Variants in BCAS3 observed in about 807,000 individuals in gnomAD.
BCAS3 encodes the protein BCAS3 microtubule associated cell migration factor.
Under a neutral mutation model 116.1 loss-of-function variants are expected in BCAS3, and 53 were observed. That is an observed-to-expected ratio of 0.46 (90% CI 0.37 to 0.57). The LOEUF is 0.57. BCAS3 is among the 20% of genes least tolerant of loss of function. BCAS3 has a pLI of 0.00. For missense variants in BCAS3, 917 were observed against 1,165.4 expected (o/e 0.79, Z 3.10); for synonymous variants, 391 against 408.2 (o/e 0.96, Z 0.51).
intron 12 of BCAS3, among the ~76,000 whole-genome samples, chr17:60,913,254 G>T (rs1567854139): frequency 6.6e-6 from 1 of 151,938 alleles, no homozygotes. Flanking sequence ...GTTCAACATG[G>T]AACATTCTAC....
intron 5 of BCAS3, among the ~76,000 whole-genome samples, chr17:60,710,460 T>C (rs374634469): frequency 8.6e-5 from 13 of 151,084 alleles, no homozygotes; most frequent in East Asian, 7.8e-4. Flanking sequence ...GAGACAGAGT[T>C]TCACTCTGTT....
intron 7 of BCAS3, 26 bp from the exon 8 acceptor site, chr17:60,868,550 A>G (rs1216341527): frequency 1.4e-6 from 2 of 1,444,966 alleles, no homozygotes; most frequent in East Asian, 2.5e-5. Context: ...AAAAAATGAC[A>G]TTTTTCTTTC....
chr17:60,851,464 T>C, intron 7 of BCAS3: 1 of 514,260 alleles, frequency 1.9e-6, no homozygotes, highest in South Asian at 1.6e-5. Context: ...TCAGCTAAAC[T>C]TGCTCCTGCA....
rs1234996098 is a variant in BCAS3, at chr17:60,961,398, C to G, written c.1221+14046C>G. 1.3e-5 allele frequency among the ~76,000 whole-genome samples: 2 copies of G among 152,104 alleles called. No homozygotes were observed. Among genetic ancestry groups the G allele is most frequent in the Non-Finnish European group, 2.9e-5 (2 of 68,026 alleles). ...GCCAGAAGGAATGTCCAGGTGGAAACTGTCATGCAGGAGCTGCTGCTTCAA... is the reference window on the plus strand; with the variant it reads ...GCCAGAAGGAATGTCCAGGTGGAAAGTGTCATGCAGGAGCTGCTGCTTCAA... On this transcript the variant is annotated intron_variant, in intron 14 of 23. Transcript: ENST00000407086. This position sits in a 1 kb window ranked among gnomAD's most constrained non-coding sequence, Gnocchi z 4.8.
chr17:61,322,852 G>GAC (rs2055402453), intron 22 of BCAS3, among the ~76,000 whole-genome samples: 8 of 140,000 alleles, frequency 5.7e-5, no homozygotes, highest in African/African-American at 1.2e-4. Context: ...GAGAGAGAGA[G>GAC]AGACAGAGAG....
intron 7 of BCAS3, among the ~76,000 whole-genome samples, chr17:60,820,224 C>T (rs1010525469): frequency 1.2e-4 from 19 of 152,088 alleles, no homozygotes; most frequent in Non-Finnish European, 1.8e-4. Context: ...CCCGCCACCA[C>T]GCCCGGCTAA....
Position 61,256,756 on chromosome 17 carries a change from A to T in BCAS3, c.2426-111571A>T, listed in dbSNP as rs2048810804. Among the ~76,000 whole-genome samples, 1 of 152,172 alleles carries T rather than the reference A, an allele frequency of 6.6e-6. No homozygotes were observed. The highest frequency in any genetic ancestry group is 1.5e-5 in the Non-Finnish European group (1 of 68,032). ...AGAGTAACACAAAAATAATCATTTC[A>T]AAAGAAACCTGAGGCTTTCAGGGTT... On this transcript the variant is annotated intron_variant, in intron 22 of 23. Transcript: ENST00000407086. This position sits in a 1 kb window ranked among gnomAD's most constrained non-coding sequence, Gnocchi z 5.6.
Position 60,902,609 on chromosome 17 carries a change from CTT to C in BCAS3, c.739-7_739-6del. On this transcript the variant is annotated splice_polypyrimidine_tract_variant and intron_variant, in intron 10 of 23. Transcript: ENST00000407086. ...AATGACGTTCTGCTTCTCTCTCTCTCTTTTTCTCAGTTGATTCGATGTCATCA... is the reference window on the plus strand; with the variant it reads ...AATGACGTTCTGCTTCTCTCTCTCTCTTTCTCAGTTGATTCGATGTCATCA... 6.3e-7 allele frequency: 1 copy of C among 1,590,604 alleles called. No individual in the cohort carries two copies. The highest frequency in any genetic ancestry group is 8.6e-7 in the Non-Finnish European group (1 of 1,159,188).
rs1345453514 is a variant in BCAS3, at chr17:61,233,002, G to A, written c.2426-135325G>A. On this transcript the variant is annotated intron_variant, in intron 22 of 23. Coordinates refer to ENST00000407086, the MANE Select transcript of BCAS3 (RefSeq NM_017679.5). The surrounding 1 kb of genome is among the most constrained non-coding windows in gnomAD (Gnocchi z 4.3). Reference sequence around the variant, plus strand: ...TCCAGATGGAACCATGTGCCGAAGTGTTTGTTTTGGGCCTCCATGAAGTCA... The same window carrying A: ...TCCAGATGGAACCATGTGCCGAAGTATTTGTTTTGGGCCTCCATGAAGTCA... Among the ~76,000 whole-genome samples the A allele has an allele frequency of 1.3e-5, 2 of 152,204 alleles. No individual in the cohort carries two copies. The highest frequency in any genetic ancestry group is 3.8e-4 in the East Asian group (2 of 5,196).
At chr17:61,292,440 T>C (rs1309777182) in intron 22 of BCAS3, among the ~76,000 whole-genome samples, 4 of 152,032 alleles carry the variant, frequency 2.6e-5, no homozygotes, top group Non-Finnish European at 5.9e-5. Flanking sequence ...CACTTTGAGC[T>C]CAGGAATTCG....
intron 6 of BCAS3, 58 bp downstream of exon 6, chr17:60,747,337 T>G (rs1056506761): frequency 2.9e-6 from 4 of 1,400,500 alleles, no homozygotes; most frequent in Non-Finnish European, 4.0e-6. Context: ...TTTGTTGGTC[T>G]TGGACTACAG....
intron 22 of BCAS3, among the ~76,000 whole-genome samples, chr17:61,267,930 C>T (rs906763185): frequency 4.6e-5 from 7 of 151,960 alleles, no homozygotes; most frequent in African/African-American, 1.5e-4. Context: ...CAAAGCTCAC[C>T]GAAAACCCAT....
chr17:60,771,724 C>G (rs1370132949), intron 6 of BCAS3, among the ~76,000 whole-genome samples: 3 of 152,146 alleles, frequency 2.0e-5, no homozygotes, highest in Admixed American at 2.0e-4. Flanking sequence ...ACGACAGGCC[C>G]CAGTGTGTGA....
intron 22 of BCAS3, among the ~76,000 whole-genome samples, chr17:61,164,382 G>A (rs1026326423): frequency 6.6e-6 from 1 of 152,048 alleles, no homozygotes; most frequent in Non-Finnish European, 1.5e-5. Context: ...TCTGGGCATG[G>A]TAGTTCACAC....
Position 61,300,650 on chromosome 17 carries a change from A to C in BCAS3, c.2426-67677A>C, listed in dbSNP as rs142357000. On this transcript the variant is annotated intron_variant, in intron 22 of 23. Transcript: ENST00000407086. This position sits in a 1 kb window ranked among gnomAD's most constrained non-coding sequence, Gnocchi z 5.1. ...TGAACACTCAAACAATGAGAGAAGAAATGTACAAAATGTGGAACTCTCTGC... is the reference window on the plus strand; with the variant it reads ...TGAACACTCAAACAATGAGAGAAGACATGTACAAAATGTGGAACTCTCTGC... Among the ~76,000 whole-genome samples the C allele has an allele frequency of 6.6e-6, 1 of 152,348 alleles. No individual in the cohort carries two copies. Among genetic ancestry groups the C allele is most frequent in the Non-Finnish European group, 1.5e-5 (1 of 68,040 alleles).
rs1318387868 is a variant in BCAS3 at position 61,028,096 on chromosome 17, T to G, written c.1638-6570T>G. ...GATTGTTCATACTGTTCTATTACAC[T>G]AGAAAAAAACATTCCAACGTTTTTT... On this transcript the variant is annotated intron_variant, in intron 16 of 23. Transcript: ENST00000407086. This position sits in a 1 kb window ranked among gnomAD's most constrained non-coding sequence, Gnocchi z 4.3. Among the ~76,000 whole-genome samples, 1 of 151,842 alleles carries G rather than the reference T, an allele frequency of 6.6e-6. No homozygotes were observed. Among genetic ancestry groups the G allele is most frequent in the Admixed American group, 6.6e-5 (1 of 15,216 alleles).
chr17:60,721,904 A>G (rs1167292598), intron 5 of BCAS3, among the ~76,000 whole-genome samples: 1 of 152,144 alleles, frequency 6.6e-6, no homozygotes, highest in South Asian at 2.1e-4. Flanking sequence ...TCTGACTTCT[A>G]TCACCATAGA....
In BCAS3 at chr17:61,391,849, G is replaced by C; in HGVS notation, c.2594-128G>C. ...CCCTGCCCATCCAGGGAGCAGGCGG[G>C]GATCCCCCTGCGGAAGGACACAAGT... On this transcript the variant is annotated intron_variant, in intron 23 of 23. Transcript: ENST00000407086. This position sits in a 1 kb window ranked among gnomAD's most constrained non-coding sequence, Gnocchi z 7.7. 1 of 1,013,486 alleles carries C rather than the reference G, an allele frequency of 9.9e-7. No individual in the cohort carries two copies. The highest frequency in any genetic ancestry group is 1.4e-6 in the Non-Finnish European group (1 of 689,776). The allele number at this position is 1,013,486 out of a possible 1,614,324, so 62.8% of individuals were successfully genotyped here. A position where few individuals can be genotyped will look rare whatever the true frequency, so the allele number is the denominator to read the frequency against.
intron 22 of BCAS3, among the ~76,000 whole-genome samples, chr17:61,340,838 G>A (rs1602851491): frequency 6.6e-6 from 1 of 152,220 alleles, no homozygotes; most frequent in Non-Finnish European, 1.5e-5. Context: ...GCTGAAGGCT[G>A]CTTGGAATTG....
Sources: allele counts gnomAD v4.1 joint callset (sites outside exome capture counted in the v4.1 genomes callset), GRCh38; gene constraint gnomAD v4.1.1; non-coding constraint Gnocchi (gnomAD v3.1); transcripts MANE v1.5; gene names NCBI Gene and HGNC (gene_info 2026-07-23, HGNC 2026-07-21).